Variants in COL23A1 observed in about 807,000 individuals in gnomAD.
COL23A1 encodes the protein collagen type XXIII alpha 1 chain.
In COL23A1, 97 loss-of-function variants were observed where a neutral mutation model predicts 99.3. That is an observed-to-expected ratio of 0.98 (90% confidence interval 0.83 to 1.16). COL23A1 has a LOEUF of 1.16. Among genes scored for constraint, COL23A1 ranks in the 50% most tolerant of loss-of-function variants. COL23A1 has a pLI of 0.00. For missense variants in COL23A1, 762 were observed against 757.4 expected, an observed-to-expected ratio of 1.01 and a Z score of -0.07; for synonymous variants, 320 against 308.2, an observed-to-expected ratio of 1.04 and a Z score of -0.40.
intron 2 of COL23A1, among the ~76,000 whole-genome samples, chr5:178,547,989 C>G: frequency 3.3e-5 from 1 of 30,678 alleles, no homozygotes; most frequent in Non-Finnish European, 6.7e-5. Flanking sequence ...CACCCACCCC[C>G]CACACACCCC....
intron 2 of COL23A1, among the ~76,000 whole-genome samples, chr5:178,332,399 C>A (rs1760081796): frequency 6.6e-6 from 1 of 152,206 alleles, no homozygotes; most frequent in Non-Finnish European, 1.5e-5. Flanking sequence ...AGCTGGGAGG[C>A]AGCTTCCAGA....
chr5:178,430,514 A>G (rs981396809), intron 2 of COL23A1, among the ~76,000 whole-genome samples: 13 of 152,184 alleles, frequency 8.5e-5, no homozygotes, highest in Admixed American at 8.5e-4. Flanking sequence ...GGGGCTGCCA[A>G]TACCCTGGCT....
intron 10 of COL23A1, 97 bp downstream of exon 10, chr5:178,262,120 G>T: frequency 1.5e-6 from 2 of 1,298,268 alleles, no homozygotes; most frequent in Non-Finnish European, 1.1e-6. Flanking sequence ...AAACATGTGC[G>T]CGTGACCCTG....
intron 2 of COL23A1, among the ~76,000 whole-genome samples, chr5:178,492,910 C>A (rs952820343): frequency 2.6e-5 from 4 of 152,214 alleles, no homozygotes; most frequent in East Asian, 1.9e-4. Context: ...CCGTGAAATG[C>A]GGGTAATGAC....
In COL23A1 at chr5:178,309,844, C is replaced by T. The variant is rs1758573131; in HGVS notation, c.362-2925G>A. On this transcript the variant is annotated intron_variant, in intron 2 of 28. Transcript: ENST00000390654. This position sits in a 1 kb window ranked among gnomAD's most constrained non-coding sequence, Gnocchi z 4.7. ...CGATTCTCCCTCCTGGCACAAAGGACCTCCTGCAGTATGTACTCTGCATCT... is the reference window on the plus strand; with the variant it reads ...CGATTCTCCCTCCTGGCACAAAGGATCTCCTGCAGTATGTACTCTGCATCT... Among the ~76,000 whole-genome samples, 1 of 152,234 alleles carries T rather than the reference C, an allele frequency of 6.6e-6. No homozygotes were observed.
chr5:178,540,683 A>G (rs1761236577), intron 2 of COL23A1, among the ~76,000 whole-genome samples: 1 of 152,174 alleles, frequency 6.6e-6, no homozygotes, highest in Non-Finnish European at 1.5e-5. Flanking sequence ...GCACTTTGGG[A>G]GGCTGACGTG....
chr5:178,488,749 A>G (rs1460429918), intron 2 of COL23A1, among the ~76,000 whole-genome samples: 1 of 152,120 alleles, frequency 6.6e-6, no homozygotes, highest in Non-Finnish European at 1.5e-5. Context: ...GTATACATTC[A>G]ATGAATGTAA....
chr5:178,358,530 T>G (rs1380118614), intron 2 of COL23A1, among the ~76,000 whole-genome samples: 4 of 117,124 alleles, frequency 3.4e-5, no homozygotes, highest in East Asian at 5.1e-4. Flanking sequence ...TATGTATGTC[T>G]AGTGTGTGTA....
intron 2 of COL23A1, among the ~76,000 whole-genome samples, chr5:178,412,436 A>G (rs1765100367): frequency 6.6e-6 from 1 of 152,228 alleles, no homozygotes; most frequent in Non-Finnish European, 1.5e-5. Flanking sequence ...TTACCACTAA[A>G]TATAAACAAA....
intron 2 of COL23A1, among the ~76,000 whole-genome samples, chr5:178,362,380 G>A (rs764827851): frequency 5.3e-5 from 8 of 152,150 alleles, no homozygotes; most frequent in Non-Finnish European, 1.0e-4. Flanking sequence ...CCCACAGCAC[G>A]ACACCAGCCT....
chr5:178,328,704 A>G (rs916710179), intron 2 of COL23A1, among the ~76,000 whole-genome samples: 2 of 152,220 alleles, frequency 1.3e-5, no homozygotes, highest in African/African-American at 4.8e-5. Context: ...TTACTCGAAA[A>G]AAAAGATGAC....
intron 2 of COL23A1, among the ~76,000 whole-genome samples, chr5:178,457,493 G>A (rs949953802): frequency 1.3e-5 from 2 of 152,150 alleles, no homozygotes; most frequent in African/African-American, 4.8e-5. Context: ...AGGATTACAG[G>A]CACGAACCAC....
At chr5:178,389,540 G>C (rs1037271349) in intron 2 of COL23A1, among the ~76,000 whole-genome samples, 1 of 152,218 alleles carries the variant, frequency 6.6e-6, no homozygotes, top group Non-Finnish European at 1.5e-5. Context: ...CCTCCTCACA[G>C]AGGGTGCCCA....
intron 2 of COL23A1, among the ~76,000 whole-genome samples, chr5:178,393,487 A>AAT (rs5873611): frequency 0.025 from 3,807 of 152,278 alleles, 84 homozygotes; most frequent in Non-Finnish European, 0.033. Flanking sequence ...AATGCCACTG[A>AAT]ACTGTACACT....
At chr5:178,423,031 A>G (rs1418076785) in intron 2 of COL23A1, among the ~76,000 whole-genome samples, 3 of 152,118 alleles carry the variant, frequency 2.0e-5, no homozygotes, top group South Asian at 4.1e-4. Context: ...CAGTGGCATA[A>G]TCATAGCTCA....
chr5:178,320,264 C>G (rs1461093397), intron 2 of COL23A1, among the ~76,000 whole-genome samples: 1 of 152,232 alleles, frequency 6.6e-6, no homozygotes, highest in Non-Finnish European at 1.5e-5. Context: ...TGGCTGCAGC[C>G]CCTGAGTGGG....
intron 5 of COL23A1, among the ~76,000 whole-genome samples, chr5:178,278,264 C>T (rs1350494844): frequency 6.6e-6 from 1 of 152,212 alleles, no homozygotes; most frequent in East Asian, 1.9e-4. Context: ...CCCTCCTGCC[C>T]CACCCTTGGG....
intron 2 of COL23A1, among the ~76,000 whole-genome samples, chr5:178,453,043 G>A (rs1767575142): frequency 6.6e-6 from 1 of 152,186 alleles, no homozygotes; most frequent in African/African-American, 2.4e-5. Flanking sequence ...AGAAACCAGG[G>A]CACATCCATG....
At position 178,300,739 on chromosome 5, in the gene COL23A1, T is replaced by TTTA. The variant is rs550201149; in HGVS notation, c.406+6135_406+6136insTAA. On this transcript the variant is annotated intron_variant, in intron 3 of 28. Transcript: ENST00000390654. ...AGCTTTTGTATTTATTTATTTATTT[T>TTTA]TTTTAGTAGAGATGGGATTTCACCA... Among the ~76,000 whole-genome samples the TTTA allele has an allele frequency of 9.1e-3, 739 of 80,966 alleles. 3 individuals carry two copies. The highest frequency in any genetic ancestry group is 0.025 in the African/African-American group (698 of 27,730). 53.1% of individuals were successfully genotyped at this position (80,966 alleles called of 152,430 possible).
Sources: allele counts gnomAD v4.1 joint callset (sites outside exome capture counted in the v4.1 genomes callset), GRCh38; gene constraint gnomAD v4.1.1; non-coding constraint Gnocchi (gnomAD v3.1); transcripts MANE v1.5; gene names NCBI Gene and HGNC (gene_info 2026-07-23, HGNC 2026-07-21).